MTR: variants seen among roughly 807,000 people sequenced by gnomAD.
MTR encodes the protein 5-methyltetrahydrofolate-homocysteine methyltransferase.
MTR carries 84 observed loss-of-function variants against 154.8 expected under a neutral mutation model. The ratio of observed to expected loss-of-function variants is 0.54; its 90% CI spans 0.45 to 0.65. MTR has a LOEUF of 0.65. Ranked by LOEUF, MTR falls within the 30% of genes least tolerant of loss-of-function variation. The pLI is 0.00. For missense variants in MTR, 1,275 were observed against 1,570.2 expected (o/e 0.81, Z 3.18); for synonymous variants, 554 against 553.9 (o/e 1.00, Z 0.00).
At chr1:236,856,801 G>T (rs1217452327) in intron 18 of MTR, among the ~76,000 whole-genome samples, 1 of 152,094 alleles carries the variant, frequency 6.6e-6, no homozygotes, top group Admixed American at 6.5e-5. Flanking sequence ...CTGTTCCTGT[G>T]TTAGTTTGTT....
intron 1 of MTR, 92 bp downstream of exon 1, chr1:236,795,829 G>A (rs1474093776): frequency 6.3e-7 from 1 of 1,590,566 alleles, no homozygotes. Flanking sequence ...TTCTGCGGCG[G>A]GAGACGCCCG....
intron 1 of MTR, among the ~76,000 whole-genome samples, chr1:236,796,769 C>T (rs1660412881): frequency 7.2e-6 from 1 of 138,280 alleles, no homozygotes; most frequent in Admixed American, 7.4e-5. Context: ...AATGAGGTTA[C>T]ATCTTATTTA....
intron 15 of MTR, among the ~76,000 whole-genome samples, chr1:236,843,293 C>T (rs770111759): frequency 1.3e-5 from 2 of 151,112 alleles, no homozygotes; most frequent in Non-Finnish European, 3.0e-5. Context: ...GAAGAGTGTT[C>T]TTTGCAGAGG....
chr1:236,803,716 G>A, intron 2 of MTR, 74 bp downstream of exon 2: 1 of 1,395,570 alleles, frequency 7.2e-7, no homozygotes, highest in Non-Finnish European at 1.0e-6. Context: ...AGGGCAGGCT[G>A]CTATGCCGAG....
chr1:236,816,637 T>G (rs1572203593), intron 8 of MTR, 94 bp downstream of exon 8: 5 of 998,008 alleles, frequency 5.0e-6, no homozygotes, highest in Non-Finnish European at 8.0e-6. Flanking sequence ...TGCTTCTACA[T>G]ATTTTCACTG....
intron 2 of MTR, among the ~76,000 whole-genome samples, chr1:236,805,077 A>C (rs535791969): frequency 6.6e-6 from 1 of 152,208 alleles, no homozygotes; most frequent in African/African-American, 2.4e-5. Context: ...TATTGTTACT[A>C]TAAATGTGCG....
rs762329418 is a variant in MTR, at chr1:236,795,549, C to A, written c.-155C>A. Reference sequence around the variant, plus strand: ...GCTGCGGGCTTTCGGGGTCCGCAGTCCCCCCGCGACGCGAGCCAACGGGAG... The same window carrying A: ...GCTGCGGGCTTTCGGGGTCCGCAGTACCCCCGCGACGCGAGCCAACGGGAG... On this transcript the variant is annotated 5_prime_UTR_variant, in exon 1 of 33. Transcript: ENST00000366577. 2.6e-6 allele frequency: 4 copies of A among 1,538,554 alleles called. No individual in the cohort carries two copies. The highest frequency in any genetic ancestry group is 2.4e-5 in the South Asian group (2 of 84,924).
chr1:236,810,526 G>A lies in MTR; in HGVS notation c.433G>A (p.Ala145Thr), dbSNP rs754035798. The A allele has an allele frequency of 1.9e-6, 3 of 1,613,638 alleles. No individual in the cohort carries two copies. The highest frequency in any genetic ancestry group is 2.7e-5 in the African/African-American group (2 of 74,870). Residue 145 changes from alanine (A) to threonine (T), a missense_variant, in exon 5 of 33, where the codon GCT becomes ACT. Transcript: ENST00000366577. ...AGGAATTAAGAGGTTTGTGGCAGGG[G>A]CTCTGGGTCCGACTAATAAGACACT... ...QTGIKRFVAGALGPTNKTLSV... is the reference protein window; with the variant it reads ...QTGIKRFVAGTLGPTNKTLSV...
rs1409100159 is a variant in MTR, at chr1:236,901,016, G to A, written c.*3372G>A. On this transcript the variant is annotated 3_prime_UTR_variant, in exon 33 of 33. Transcript: ENST00000366577. ...ACGTGGAGATGGAGGTCAGGCTGCA[G>A]TGCGATGGGATCATCTATGGAGCAT... is the stretch of plus-strand genomic sequence containing the variant. 6.5e-6 allele frequency: 1 copy of A among 152,994 alleles called. No individual in the cohort carries two copies. The highest frequency in any genetic ancestry group is 1.9e-4 in the East Asian group (1 of 5,194). The allele number at this position is 152,994 out of a possible 1,614,324, so 9.5% of individuals were successfully genotyped here. A position where few individuals can be genotyped will look rare whatever the true frequency, so the allele number is the denominator to read the frequency against.
intron 23 of MTR, among the ~76,000 whole-genome samples, chr1:236,874,184 A>G (rs1240679394): frequency 6.6e-6 from 1 of 152,206 alleles, no homozygotes; most frequent in African/African-American, 2.4e-5. Context: ...TCCTAAAACT[A>G]TGGCAAGTAA....
chr1:236,820,322 A>G, intron 8 of MTR: 1 of 753,870 alleles, frequency 1.3e-6, no homozygotes, highest in Admixed American at 1.7e-5. Flanking sequence ...TTTCAGGGTG[A>G]ATGGACTGCT....
chr1:236,876,653 T>C (rs1665450653), intron 24 of MTR, among the ~76,000 whole-genome samples: 1 of 152,170 alleles, frequency 6.6e-6, no homozygotes, highest in African/African-American at 2.4e-5. Flanking sequence ...CTTGTGCAAA[T>C]TGGAACTTTA....
chr1:236,800,838 A>AT (rs2103004132), intron 1 of MTR, among the ~76,000 whole-genome samples: 1 of 152,364 alleles, frequency 6.6e-6, no homozygotes, highest in East Asian at 1.9e-4. Context: ...ACATGGTCTC[A>AT]TTTTAGTATC....
chr1:236,803,580 C>T lies in MTR; in HGVS notation c.187C>T (p.Leu63=). ...GGAATTTAAAGATCATGCCAGGCCG[C>T]TGAAAGGCAACAATGACATTTTAAG... The part of the protein sequence containing the change: ...GQEFKDHARP[L]KGNNDILSIT... Residue 63 remains leucine (L), a synonymous_variant, in exon 2 of 33, where the codon CTG becomes TTG. Coordinates refer to ENST00000366577, the MANE Select transcript of MTR (RefSeq NM_000254.3). 6.2e-7 allele frequency: 1 copy of T among 1,614,154 alleles called. No individual in the cohort carries two copies. Among genetic ancestry groups the T allele is most frequent in the Non-Finnish European group, 8.5e-7 (1 of 1,180,024 alleles).
chr1:236,863,055 T>G (rs1266425337), intron 21 of MTR, among the ~76,000 whole-genome samples: 1 of 152,180 alleles, frequency 6.6e-6, no homozygotes. Context: ...TCTGGGCTGT[T>G]GTGGTTTTTC....
At chr1:236,829,516 G>A (rs1489762458) in intron 12 of MTR, among the ~76,000 whole-genome samples, 2 of 152,166 alleles carry the variant, frequency 1.3e-5, no homozygotes, top group African/African-American at 2.4e-5. Flanking sequence ...AGTCCTTGGT[G>A]GGAGCTCGAT....
At chr1:236,897,306 A>ACATGCGCGCG (rs1220455284) in intron 32 of MTR, among the ~76,000 whole-genome samples, 188 bp downstream of exon 32, 3 of 128,618 alleles carry the variant, frequency 2.3e-5, no homozygotes, top group East Asian at 2.3e-4. Context: ...CAAGCCACAC[A>ACATGCGCGCG]CACGCACACA....
intron 18 of MTR, 88 bp from the exon 19 acceptor site, chr1:236,859,745 G>A: frequency 1.9e-6 from 2 of 1,039,988 alleles, no homozygotes; most frequent in African/African-American, 1.6e-5. Context: ...ATAAGACACA[G>A]GTTTTTTTGT....
chr1:236,861,100 T>TTTTTTTTTTTG, intron 19 of MTR, 25 bp from the exon 20 acceptor site: 1 of 1,355,180 alleles, frequency 7.4e-7, no homozygotes, highest in Non-Finnish European at 9.9e-7. Context: ...TCTTTTTCTT[T>TTTTTTTTTTTG]TTTTTTTTTT....
Sources: allele counts gnomAD v4.1 joint callset (sites outside exome capture counted in the v4.1 genomes callset), GRCh38; gene constraint gnomAD v4.1.1; transcripts MANE v1.5; gene names NCBI Gene and HGNC (gene_info 2026-07-23, HGNC 2026-07-21).